The following JADE2 variants were observed in gnomAD, a reference collection of about 807,000 sequenced individuals.
The protein encoded by JADE2 is E3 ubiquitin-protein ligase Jade-2.
In JADE2, 13 loss-of-function variants were observed where a neutral mutation model predicts 85.7. The ratio of observed to expected loss-of-function variants is 0.15; its 90% CI spans 0.10 to 0.24. The LOEUF is 0.24. Ranked by LOEUF, JADE2 falls within the 10% of genes least tolerant of loss-of-function variation. The probability of loss-of-function intolerance (pLI) is 1.00; values close to 1 mark genes in which losing one functional copy is unlikely to be tolerated. For synonymous variants in JADE2, 440 were observed against 456.1 expected (o/e 0.96, Z 0.45); for missense variants, 846 against 1,115.9 (o/e 0.76, Z 3.45).
At chr5:134,529,844 G>C (rs114226618) in intron 1 of JADE2, among the ~76,000 whole-genome samples, 1 of 152,362 alleles carries the variant, frequency 6.6e-6, no homozygotes, top group African/African-American at 2.4e-5. Context: ...GAAGAACAAA[G>C]TAGACAGAGC....
chr5:134,566,430 C>T lies in JADE2; in HGVS notation c.1284C>T (p.Tyr428=), dbSNP rs1372795205. 1 of 1,613,966 alleles carries T rather than the reference C, an allele frequency of 6.2e-7. No individual in the cohort carries two copies. Among genetic ancestry groups the T allele is most frequent in the Non-Finnish European group, 8.5e-7 (1 of 1,179,966 alleles). The change falls in exon 9 of 12, where the codon TAC becomes TAT. Residue 428 remains tyrosine, a synonymous_variant. Transcript: ENST00000681547. The surrounding 1 kb of genome is among the most constrained non-coding windows in gnomAD (Gnocchi z 6.7). ...CTGAGGCACTGGTCGACTTCATCTACCAGTACTGGAAGCTGAAGAGGAAAG... is the reference window on the plus strand; with the variant it reads ...CTGAGGCACTGGTCGACTTCATCTATCAGTACTGGAAGCTGAAGAGGAAAG... ...DLAEALVDFI[Y]QYWKLKRKAN...
chr5:134,525,833 G>A lies in JADE2; in HGVS notation c.-179G>A. ...CGACCGTCCCCGGCGGGGGGCGTGG[G>A]GCCTGGGACGCCGCGGGCCCGGCCG... On this transcript the variant is annotated 5_prime_UTR_variant, in exon 1 of 12. Coordinates refer to ENST00000681547, the MANE Select transcript of JADE2 (RefSeq NM_001388185.1). The A allele has an allele frequency of 7.0e-6, 7 of 1,001,416 alleles. No homozygotes were observed. The highest frequency in any genetic ancestry group is 8.3e-6 in the Non-Finnish European group (7 of 838,682). The allele number at this position is 1,001,416 out of a possible 1,614,324, so 62.0% of individuals were successfully genotyped here.
At chr5:134,540,734 T>C (rs1430651673) in intron 3 of JADE2, among the ~76,000 whole-genome samples, 2 of 152,156 alleles carry the variant, frequency 1.3e-5, no homozygotes, top group Non-Finnish European at 2.9e-5. Context: ...ATGGGGAGTT[T>C]TGGGGAGTTC....
chr5:134,579,097 G>A lies in JADE2; in HGVS notation c.2285G>A (p.Arg762Gln), dbSNP rs114220799. 2.0e-5 allele frequency: 33 copies of A among 1,614,116 alleles called. No individual in the cohort carries two copies. Among genetic ancestry groups the A allele is most frequent in the East Asian group, 2.0e-4 (9 of 44,884 alleles). Residue 762 changes from arginine (R) to glutamine (Q), a missense_variant, in exon 12 of 12, where the codon CGG becomes CAG. Arg to Gln is a conservative substitution (Grantham distance 43). Around this residue, in one of 9 missense-constraint regions of JADE2, gnomAD observed 300 missense variants for 300.7 expected, o/e 1.00. Coordinates refer to ENST00000681547, the MANE Select transcript of JADE2 (RefSeq NM_001388185.1). The surrounding 1 kb of genome is among the most constrained non-coding windows in gnomAD (Gnocchi z 4.6). Reference sequence around the variant, plus strand: ...CCACCCCGCGAGAGCAAGGTAACCCGGAGATTGCCGGGTGCCAGGCCTGAT... The same window carrying A: ...CCACCCCGCGAGAGCAAGGTAACCCAGAGATTGCCGGGTGCCAGGCCTGAT... ...LRPPRESKVT[R>Q]RLPGARPDAG...
chr5:134,537,189 C>T (rs144168856), intron 2 of JADE2, among the ~76,000 whole-genome samples: 221 of 152,318 alleles, frequency 1.5e-3, no homozygotes, highest in African/African-American at 5.1e-3. Flanking sequence ...GCAAGGCTCC[C>T]CACCAGCCCC....
chr5:134,575,172 G>A (rs148394728), intron 10 of JADE2: 2,792 of 152,456 alleles, frequency 0.018, 43 homozygotes, highest in Non-Finnish European at 0.029. Flanking sequence ...GCAGCTCTTT[G>A]TTCAGGGCAG....
intron 3 of JADE2, among the ~76,000 whole-genome samples, chr5:134,545,562 G>A (rs919742980): frequency 1.3e-5 from 2 of 152,074 alleles, no homozygotes; most frequent in Admixed American, 1.3e-4. Context: ...CTCTTTATCA[G>A]GTTCCGGCCC....
chr5:134,524,733 G>A (rs1760701280), upstream of JADE2, among the ~76,000 whole-genome samples: 1 of 152,162 alleles, frequency 6.6e-6, no homozygotes, highest in South Asian at 2.1e-4. Context: ...GAGCCCAATG[G>A]GGACCCTCTC....
At chr5:134,557,240 G>A (rs1272580428) in intron 4 of JADE2, among the ~76,000 whole-genome samples, 4 of 139,670 alleles carry the variant, frequency 2.9e-5, no homozygotes, top group African/African-American at 8.0e-5. Context: ...TTTTTTTGTT[G>A]TTGTTGTTTT....
chr5:134,536,009 A>C (rs1032281495), intron 2 of JADE2, 94 bp downstream of exon 2: 1 of 1,027,842 alleles, frequency 9.7e-7, no homozygotes, highest in Admixed American at 1.8e-5. Flanking sequence ...CTGTGGTCTT[A>C]ATTTCACTAA....
At chr5:134,555,164 C>G (rs888917293) in intron 4 of JADE2, among the ~76,000 whole-genome samples, 1 of 152,088 alleles carries the variant, frequency 6.6e-6, no homozygotes, top group African/African-American at 2.4e-5. Context: ...CCCTCCCTGG[C>G]CTTTGGGTGG....
rs1764678791 is a variant in JADE2 at position 134,580,838 on chromosome 5, A to G, written c.*1521A>G. On this transcript the variant is annotated 3_prime_UTR_variant, in exon 12 of 12. Transcript: ENST00000681547. Reference sequence around the variant, plus strand: ...GAAGAGCTCAAGCGCTTGGAAGAGGATGCTTTGCTGCTGCTGAAGTGTACC... The same window carrying G: ...GAAGAGCTCAAGCGCTTGGAAGAGGGTGCTTTGCTGCTGCTGAAGTGTACC... The G allele has an allele frequency of 6.6e-6, 1 of 152,618 alleles. No homozygotes were observed. Among genetic ancestry groups the G allele is most frequent in the Admixed American group, 6.5e-5 (1 of 15,274 alleles). 9.5% of individuals were successfully genotyped at this position (152,618 alleles called of 1,614,324 possible).
chr5:134,537,735 C>T (rs534119214), intron 2 of JADE2, among the ~76,000 whole-genome samples: 1 of 152,278 alleles, frequency 6.6e-6, no homozygotes, highest in East Asian at 1.9e-4. Context: ...TGGGGTCACA[C>T]ATTAAACTAA....
At chr5:134,535,318 C>G (rs2149872863) in intron 1 of JADE2, among the ~76,000 whole-genome samples, 1 of 152,196 alleles carries the variant, frequency 6.6e-6, no homozygotes, top group Admixed American at 6.5e-5. Context: ...CTGGAGTGTC[C>G]CCCGCCTCTC....
Position 134,581,202 on chromosome 5 carries a change from G to C in JADE2, c.*1885G>C, listed in dbSNP as rs1172071382. The C allele has an allele frequency of 6.6e-6, 1 of 152,496 alleles. No individual in the cohort carries two copies. The highest frequency in any genetic ancestry group is 1.5e-5 in the Non-Finnish European group (1 of 68,048). The allele number at this position is 152,496 out of a possible 1,614,324, so 9.4% of individuals were successfully genotyped here. On this transcript the variant is annotated 3_prime_UTR_variant, in exon 12 of 12. Coordinates refer to ENST00000681547, the MANE Select transcript of JADE2 (RefSeq NM_001388185.1). Reference sequence around the variant, plus strand: ...GGTGGACTCGGAGGGAGTGGGGTGGGCTTCAAGGATTCTGGGCGTTGGGAT... The same window carrying C: ...GGTGGACTCGGAGGGAGTGGGGTGGCCTTCAAGGATTCTGGGCGTTGGGAT...
chr5:134,581,811 T>A lies in JADE2; in HGVS notation c.*2494T>A, dbSNP rs1332281386. 6.6e-6 allele frequency: 1 copy of A among 152,454 alleles called. No homozygotes were observed. Among genetic ancestry groups the A allele is most frequent in the Non-Finnish European group, 1.5e-5 (1 of 68,256 alleles). 9.4% of individuals were successfully genotyped at this position (152,454 alleles called of 1,614,324 possible). ...GCCCTTTCACTCCCAGGCCAAGCCC[T>A]GGAGCAATCTTCTTCAGGCAGCTGT... On this transcript the variant is annotated 3_prime_UTR_variant, in exon 12 of 12. Coordinates refer to ENST00000681547, the MANE Select transcript of JADE2 (RefSeq NM_001388185.1).
intron 10 of JADE2, 62 bp from the exon 11 acceptor site, chr5:134,576,705 TG>T (rs1431961586): frequency 6.5e-7 from 1 of 1,544,814 alleles, no homozygotes; most frequent in Admixed American, 2.0e-5. Flanking sequence ...GCAGGGATCT[TG>T]GTGCTGACCG....
At chr5:134,527,027 A>T (rs963091253) in intron 1 of JADE2, among the ~76,000 whole-genome samples, 1 of 152,100 alleles carries the variant, frequency 6.6e-6, no homozygotes, top group Non-Finnish European at 1.5e-5. Flanking sequence ...GCCCTGCACC[A>T]TGGGTGGTAC....
intron 3 of JADE2, among the ~76,000 whole-genome samples, chr5:134,539,762 CTA>C (rs1761857741): frequency 6.6e-6 from 1 of 152,212 alleles, no homozygotes; most frequent in African/African-American, 2.4e-5. Flanking sequence ...GGCCCCTCCT[CTA>C]TGCTACCTCA....
Sources: allele counts gnomAD v4.1 joint callset (sites outside exome capture counted in the v4.1 genomes callset), GRCh38; gene constraint gnomAD v4.1.1; regional missense constraint gnomAD v4.1.1; non-coding constraint Gnocchi (gnomAD v3.1); transcripts MANE v1.5; gene names NCBI Gene and HGNC (gene_info 2026-07-23, HGNC 2026-07-21).